Variants in RHBDD1 observed in about 807,000 individuals in gnomAD.
The protein encoded by RHBDD1 is rhomboid-related protein 4.
In RHBDD1, 38 loss-of-function variants were observed where a neutral mutation model predicts 36.3. The ratio of observed to expected loss-of-function variants is 1.05; its 90% CI spans 0.81 to 1.37. The LOEUF is 1.37. RHBDD1 is among the 40% of genes most tolerant of loss of function. The pLI is 0.00. For synonymous variants in RHBDD1, 151 were observed against 136.5 expected (o/e 1.11, Z -0.74); for missense variants, 393 against 377.6 (o/e 1.04, Z -0.34).
intron 3 of RHBDD1, among the ~76,000 whole-genome samples, chr2:226,844,993 A>G (rs1446426326): frequency 6.6e-6 from 1 of 152,186 alleles, no homozygotes; most frequent in Non-Finnish European, 1.5e-5. Flanking sequence ...AAAGGTGGAG[A>G]AAGAATTTTG....
At chr2:226,802,383 T>C in the RHBDD1 span, among the ~76,000 whole-genome samples, 1 of 152,244 alleles carries the variant, frequency 6.6e-6, no homozygotes, top group African/African-American at 2.4e-5. Context: ...GATGTTTTAC[T>C]ACCAATTTAA....
At chr2:226,967,908 C>G (rs181466171) in intron 8 of RHBDD1, among the ~76,000 whole-genome samples, 89 of 152,220 alleles carry the variant, frequency 5.8e-4, no homozygotes, top group Non-Finnish European at 9.6e-4. Context: ...AAGAGAAACT[C>G]TGTAACCTGT....
chr2:226,834,782 G>A (rs1309881197), upstream of RHBDD1, among the ~76,000 whole-genome samples: 1 of 151,918 alleles, frequency 6.6e-6, no homozygotes, highest in African/African-American at 2.4e-5. Context: ...ATACCAAATA[G>A]TAAGATTTTT....
intron 5 of RHBDD1, among the ~76,000 whole-genome samples, chr2:226,900,796 A>T (rs1260483571): frequency 6.6e-6 from 1 of 152,238 alleles, no homozygotes; most frequent in Non-Finnish European, 1.5e-5. Flanking sequence ...TTTGTTGTAC[A>T]TACACATTGT....
intron 5 of RHBDD1, among the ~76,000 whole-genome samples, chr2:226,894,089 C>CGTAAA (rs1159847140): frequency 6.6e-6 from 1 of 152,064 alleles, no homozygotes; most frequent in Admixed American, 6.5e-5. Flanking sequence ...TTTAACCTCA[C>CGTAAA]GTAAACTCAC....
chr2:226,963,976 C>T (rs1952426793), intron 8 of RHBDD1, among the ~76,000 whole-genome samples: 1 of 152,150 alleles, frequency 6.6e-6, no homozygotes, highest in South Asian at 2.1e-4. Context: ...CCTTCACCCA[C>T]CTACCCCAGC....
chr2:226,800,622 G>A, the RHBDD1 span, among the ~76,000 whole-genome samples: 1 of 152,184 alleles, frequency 6.6e-6, no homozygotes, highest in Non-Finnish European at 1.5e-5. Context: ...AGGGCATGGG[G>A]GAGGGGAAAT....
intron 8 of RHBDD1, among the ~76,000 whole-genome samples, chr2:226,942,928 G>A (rs1222805022): frequency 1.3e-5 from 2 of 152,162 alleles, no homozygotes; most frequent in African/African-American, 4.8e-5. Context: ...TTACTTATTA[G>A]TGGGAATTAT....
the RHBDD1 span, among the ~76,000 whole-genome samples, chr2:226,827,262 G>C: frequency 2.0e-5 from 3 of 152,212 alleles, no homozygotes; most frequent in South Asian, 6.2e-4. Context: ...ACTGTGCTCA[G>C]CCTAATGGTG....
intron 8 of RHBDD1, among the ~76,000 whole-genome samples, chr2:226,990,215 C>A (rs1448403968): frequency 1.3e-5 from 2 of 152,058 alleles, no homozygotes. Flanking sequence ...CCTTTTTGGT[C>A]TTTGACGGTA....
upstream of RHBDD1, chr2:226,835,549 C>G (rs1365388141): frequency 2.0e-5 from 3 of 152,230 alleles, no homozygotes; most frequent in Non-Finnish European, 4.4e-5. Context: ...TCCCACCCTC[C>G]GCCTAACAGG....
chr2:226,908,954 G>A (rs1237084825), intron 7 of RHBDD1, 76 bp downstream of exon 7: 3 of 936,464 alleles, frequency 3.2e-6, no homozygotes, highest in South Asian at 1.4e-5. Flanking sequence ...GAGTACTTTA[G>A]GATACTACTA....
chr2:226,983,320 T>C (rs1330996890), intron 8 of RHBDD1, among the ~76,000 whole-genome samples: 1 of 152,168 alleles, frequency 6.6e-6, no homozygotes, highest in Non-Finnish European at 1.5e-5. Flanking sequence ...TATTTAGCCC[T>C]TCGAAGCATG....
chr2:226,867,934 G>T (rs1944474022), intron 5 of RHBDD1, among the ~76,000 whole-genome samples: 1 of 152,054 alleles, frequency 6.6e-6, no homozygotes, highest in Non-Finnish European at 1.5e-5. Flanking sequence ...GGCCAGGATG[G>T]TCTCGATCTC....
At chr2:226,951,872 A>T (rs1463562642) in intron 8 of RHBDD1, among the ~76,000 whole-genome samples, 1 of 152,244 alleles carries the variant, frequency 6.6e-6, no homozygotes, top group Non-Finnish European at 1.5e-5. Context: ...GAGATTGTGC[A>T]TGTATCCAAG....
At chr2:226,867,419 G>C in intron 5 of RHBDD1, 101 bp downstream of exon 5, 1 of 1,320,192 alleles carries the variant, frequency 7.6e-7, no homozygotes, top group Non-Finnish European at 1.0e-6. Flanking sequence ...TCACAGTGAG[G>C]TTTATTCTTT....
At chr2:226,890,838 G>A (rs930191509) in intron 5 of RHBDD1, among the ~76,000 whole-genome samples, 1 of 151,786 alleles carries the variant, frequency 6.6e-6, no homozygotes, top group African/African-American at 2.4e-5. Context: ...TTTTTAAAAA[G>A]TAAAAAACCC....
chr2:226,918,609 C>T (rs996761955), intron 8 of RHBDD1, among the ~76,000 whole-genome samples: 1 of 152,046 alleles, frequency 6.6e-6, no homozygotes, highest in African/African-American at 2.4e-5. Context: ...ACAGTAACCT[C>T]CAGTTCCATC....
chr2:226,879,294 T>C (rs991751831), intron 5 of RHBDD1, among the ~76,000 whole-genome samples: 2 of 152,202 alleles, frequency 1.3e-5, no homozygotes, highest in Admixed American at 6.5e-5. Context: ...GGGATCAGTA[T>C]CATTTATTGC....
Sources: gnomAD v4.1 joint callset for allele counts (sites outside exome capture counted in the v4.1 genomes callset) on GRCh38, gnomAD v4.1.1 for gene constraint, MANE v1.5 for transcripts, NCBI Gene and HGNC (gene_info 2026-07-23, HGNC 2026-07-21) for gene names.